SAMD8: variants seen among roughly 807,000 people sequenced by gnomAD.
SAMD8 encodes sterile alpha motif domain containing 8, also known as sphingomyelin synthase-related protein 1.
Under a neutral mutation model 42.0 loss-of-function variants are expected in SAMD8, and 20 were observed. That is an observed-to-expected ratio of 0.48 (90% CI 0.34 to 0.69). SAMD8 has a LOEUF of 0.69. SAMD8 is among the 30% of genes least tolerant of loss of function. The probability of loss-of-function intolerance (pLI) is 0.01; values close to 1 mark genes in which losing one functional copy is unlikely to be tolerated. For synonymous variants in SAMD8, 162 were observed against 173.0 expected, an observed-to-expected ratio of 0.94 and a Z score of 0.50; for missense variants, 328 against 511.6, an observed-to-expected ratio of 0.64 and a Z score of 3.46.
intron 2 of SAMD8, among the ~76,000 whole-genome samples, chr10:75,163,172 G>A (rs576894722): frequency 1.3e-5 from 2 of 152,104 alleles, no homozygotes; most frequent in African/African-American, 2.4e-5. Context: ...TGATCCACCC[G>A]CCTTGGCCTC....
At chr10:75,108,670 G>C (rs540630108), upstream of SAMD8, among the ~76,000 whole-genome samples, 1 of 152,196 alleles carries the variant, frequency 6.6e-6, no homozygotes, top group African/African-American at 2.4e-5. Context: ...GGGAGGCTGG[G>C]CCCAGAAACA....
intron 2 of SAMD8, among the ~76,000 whole-genome samples, chr10:75,151,832 G>C (rs1226213270): frequency 1.3e-5 from 2 of 152,128 alleles, no homozygotes; most frequent in African/African-American, 4.8e-5. Flanking sequence ...GATTACAGGA[G>C]CCCGCCACCA....
chr10:75,117,452 C>A (rs938614545), intron 1 of SAMD8, among the ~76,000 whole-genome samples: 4 of 149,642 alleles, frequency 2.7e-5, no homozygotes, highest in Non-Finnish European at 5.9e-5. Flanking sequence ...TGATGGCTCA[C>A]ACCTGTAATC....
chr10:75,164,608 TACTTCTTC>T, intron 2 of SAMD8, 29 bp from the exon 3 acceptor site: 28 of 1,599,738 alleles, frequency 1.8e-5, no homozygotes, highest in Non-Finnish European at 2.4e-5. Flanking sequence ...TTCACATGTA[TACTTCTTC>T]AATTCAAAAT....
At chr10:75,163,438 CTT>C (rs903977884) in intron 2 of SAMD8, among the ~76,000 whole-genome samples, 21 of 151,758 alleles carry the variant, frequency 1.4e-4, no homozygotes, top group Non-Finnish European at 2.1e-4. Flanking sequence ...TTCCCTCTTT[CTT>C]TTTTTCTTTT....
At chr10:75,111,456 A>G, upstream of SAMD8, 2 of 1,193,776 alleles carry the variant, frequency 1.7e-6, no homozygotes, top group Non-Finnish European at 2.1e-6. Context: ...TGCCGGTAGA[A>G]CCCCGTCCCC....
chr10:75,107,133 C>G (rs745843813), upstream of SAMD8, among the ~76,000 whole-genome samples: 1 of 152,116 alleles, frequency 6.6e-6, no homozygotes, highest in Admixed American at 6.6e-5. Context: ...GTTAGGAGTT[C>G]GAGACCAGCC....
intron 4 of SAMD8, 141 bp downstream of exon 4, chr10:75,168,799 T>C: frequency 1.7e-6 from 1 of 599,382 alleles, no homozygotes; most frequent in Non-Finnish European, 3.0e-6. Flanking sequence ...ATAGAAATAA[T>C]TTGGTAAAAG....
intron 1 of SAMD8, among the ~76,000 whole-genome samples, chr10:75,145,886 C>G (rs924725372): frequency 6.6e-6 from 1 of 152,148 alleles, no homozygotes; most frequent in Non-Finnish European, 1.5e-5. Context: ...TTTTTTCAAT[C>G]TGGCTCTTTG....
upstream of SAMD8, chr10:75,109,246 G>T: frequency 7.0e-7 from 1 of 1,422,914 alleles, no homozygotes; most frequent in Non-Finnish European, 9.2e-7. Flanking sequence ...GACAGGGACA[G>T]GTGACAGAAG....
Position 75,176,563 on chromosome 10 carries a change from G to GC in SAMD8, c.1120dup (p.Gln374ProfsTer3). ...CTCTGGCCAATACCAGAGCATATCA[G>GC]CAGAGTAGGAGAGCAAGGATTTGGT... is the stretch of plus-strand genomic sequence containing the variant. On this transcript the variant is annotated frameshift_variant, in exon 6 of 6. Coordinates refer to ENST00000542569, the MANE Select transcript of SAMD8 (RefSeq NM_001174156.2). LOFTEE classifies it high-confidence loss of function. The surrounding 1 kb of genome is among the most constrained non-coding windows in gnomAD (Gnocchi z 4.3). 1 of 1,550,622 alleles carries GC rather than the reference G, an allele frequency of 6.4e-7. No individual in the cohort carries two copies.
chr10:75,147,212 A>C (rs1352300757), intron 1 of SAMD8, among the ~76,000 whole-genome samples: 1 of 152,252 alleles, frequency 6.6e-6, no homozygotes, highest in Non-Finnish European at 1.5e-5. Flanking sequence ...CTAACGAATA[A>C]TGCTACAAGA....
intron 1 of SAMD8, chr10:75,105,742 A>T (rs888529301): frequency 2.6e-6 from 4 of 1,554,174 alleles, no homozygotes; most frequent in Non-Finnish European, 3.5e-6. Flanking sequence ...GTTGGGGAAG[A>T]CCCATCGGTG....
At chr10:75,154,849 G>C (rs1322114149) in intron 2 of SAMD8, among the ~76,000 whole-genome samples, 2 of 152,110 alleles carry the variant, frequency 1.3e-5, no homozygotes, top group Non-Finnish European at 2.9e-5. Flanking sequence ...ATTTGGATTT[G>C]ATGAATTAAG....
At chr10:75,168,077 A>G (rs1442148402) in intron 3 of SAMD8, among the ~76,000 whole-genome samples, 1 of 149,772 alleles carries the variant, frequency 6.7e-6, no homozygotes, top group South Asian at 2.1e-4. Context: ...GCTCACTGCA[A>G]CCTCCACCTC....
intron 1 of SAMD8, among the ~76,000 whole-genome samples, chr10:75,145,710 T>C (rs1335987619): frequency 6.6e-6 from 1 of 151,928 alleles, no homozygotes; most frequent in Non-Finnish European, 1.5e-5. Context: ...TTAACATCAT[T>C]CCCCCCCAAA....
At chr10:75,174,311 A>T (rs1840938736) in intron 4 of SAMD8, among the ~76,000 whole-genome samples, 1 of 151,822 alleles carries the variant, frequency 6.6e-6, no homozygotes, top group Non-Finnish European at 1.5e-5. Flanking sequence ...TTGTATATTT[A>T]GTAGAGATGG....
rs1211647583 is a variant in SAMD8, at chr10:75,176,544, C to G, written c.1100C>G (p.Ala367Gly). 1 of 1,550,536 alleles carries G rather than the reference C, an allele frequency of 6.4e-7. No homozygotes were observed. Among genetic ancestry groups the G allele is most frequent in the East Asian group, 2.4e-5 (1 of 40,926 alleles). Residue 367 changes from alanine (A) to glycine (G), a missense_variant, in exon 6 of 6, where the codon GCC (alanine) becomes GGC (glycine). Coordinates refer to ENST00000542569, the MANE Select transcript of SAMD8 (RefSeq NM_001174156.2). This position sits in a 1 kb window ranked among gnomAD's most constrained non-coding sequence, Gnocchi z 4.3. ...CTCTTTTTGTACTACCATACTCTGG[C>G]CAATACCAGAGCATATCAGCAGAGT... ...TRLFLYYHTL[A>G]NTRAYQQSRR...
In SAMD8 at chr10:75,161,378, G is replaced by T. The variant is rs1309961231; in HGVS notation, c.579-3267G>T. Among the ~76,000 whole-genome samples, 8 of 152,194 alleles carry T rather than the reference G, an allele frequency of 5.3e-5. 1 individual carries two copies. The South Asian group carries it at 8.3e-4, about 16-fold the overall frequency. ...AAAAACAATGTAAATAGCTGGTTGGGATATCCTTTTCTAATCAACCAGATC... is the reference window on the plus strand; with the variant it reads ...AAAAACAATGTAAATAGCTGGTTGGTATATCCTTTTCTAATCAACCAGATC... On this transcript the variant is annotated intron_variant, in intron 2 of 5. Coordinates refer to ENST00000542569, the MANE Select transcript of SAMD8 (RefSeq NM_001174156.2).
Sources: gnomAD v4.1 joint callset for allele counts (sites outside exome capture counted in the v4.1 genomes callset) on GRCh38, gnomAD v4.1.1 for gene constraint, Gnocchi (gnomAD v3.1) non-coding constraint, MANE v1.5 for transcripts, NCBI Gene and HGNC (gene_info 2026-07-23, HGNC 2026-07-21) for gene names.